Variants in EYS observed in about 807,000 individuals in gnomAD.
The protein encoded by EYS is EGF-like photoreceptor maintenance factor.
EYS carries 250 observed loss-of-function variants against 282.1 expected under a neutral mutation model. That is an observed-to-expected ratio of 0.89 (90% CI 0.80 to 0.98). The LOEUF (loss-of-function observed/expected upper bound fraction) is 0.98. Among genes scored for constraint, EYS ranks in the 50% least tolerant of loss-of-function variants. The pLI is 0.00. For synonymous variants in EYS, 1,355 were observed against 1,282.9 expected, an observed-to-expected ratio of 1.06 and a Z score of -1.20; for missense variants, 4,016 against 3,709.0, an observed-to-expected ratio of 1.08 and a Z score of -2.15.
At chr6:64,933,330 AAC>A (rs1768791371) in intron 15 of EYS, among the ~76,000 whole-genome samples, 1 of 152,186 alleles carries the variant, frequency 6.6e-6, no homozygotes, top group Non-Finnish European at 1.5e-5. Context: ...AAAGGATAGG[AAC>A]AGATACTTCT....
intron 33 of EYS, among the ~76,000 whole-genome samples, chr6:64,052,962 C>T (rs1251797301): frequency 2.0e-5 from 3 of 152,000 alleles, no homozygotes; most frequent in Non-Finnish European, 4.4e-5. Flanking sequence ...TTCACAGCAG[C>T]GTGAGAACAG....
At chr6:65,184,969 G>T (rs544846199) in intron 12 of EYS, among the ~76,000 whole-genome samples, 9 of 150,522 alleles carry the variant, frequency 6.0e-5, no homozygotes, top group Non-Finnish European at 1.3e-4. Context: ...AAAATATTTT[G>T]TTCTAGTATG....
chr6:65,401,155 C>A (rs1275701817), intron 7 of EYS, among the ~76,000 whole-genome samples: 1 of 151,874 alleles, frequency 6.6e-6, no homozygotes, highest in African/African-American at 2.4e-5. Flanking sequence ...GTTAGTAACA[C>A]ACAGATAAAT....
In EYS at chr6:65,465,092, C is replaced by T. The variant is rs533460454; in HGVS notation, c.862+25502G>A. Among the ~76,000 whole-genome samples the T allele has an allele frequency of 1.1e-3, 171 of 152,094 alleles. 1 individual carries two copies. Among genetic ancestry groups the T allele is most frequent in the African/African-American group, 3.5e-3 (146 of 41,496 alleles). ...TAGTCTACTGCGTTAATAAGAAAAACCTTTTGCCATATTCAAGAACATACA... is the reference window on the plus strand; with the variant it reads ...TAGTCTACTGCGTTAATAAGAAAAATCTTTTGCCATATTCAAGAACATACA... On this transcript the variant is annotated intron_variant, in intron 5 of 42. Coordinates refer to ENST00000503581, the MANE Select transcript of EYS (RefSeq NM_001142800.2).
intron 36 of EYS, among the ~76,000 whole-genome samples, chr6:63,828,529 G>A (rs1421803149): frequency 6.6e-6 from 1 of 152,084 alleles, no homozygotes; most frequent in Non-Finnish European, 1.5e-5. Context: ...AACCTGAAGA[G>A]AACAATAACA....
At chr6:64,380,112 A>AT (rs1772694917) in intron 29 of EYS, among the ~76,000 whole-genome samples, 1 of 80,814 alleles carries the variant, frequency 1.2e-5, no homozygotes, top group Non-Finnish European at 2.9e-5. Context: ...TTGCAACTTC[A>AT]ATTTTTTTTT....
At chr6:65,456,985 G>T (rs1268361090) in intron 5 of EYS, among the ~76,000 whole-genome samples, 2 of 150,192 alleles carry the variant, frequency 1.3e-5, no homozygotes, top group African/African-American at 4.8e-5. Context: ...ATGAGGGTCA[G>T]TATAGAACTT....
chr6:65,680,963 C>T (rs1016818199), intron 1 of EYS, among the ~76,000 whole-genome samples: 7 of 151,822 alleles, frequency 4.6e-5, no homozygotes, highest in Non-Finnish European at 8.8e-5. Flanking sequence ...TCCCACTGGC[C>T]ACCGGTGATC....
At chr6:64,433,057 C>A (rs1233529721) in intron 28 of EYS, among the ~76,000 whole-genome samples, 1 of 152,004 alleles carries the variant, frequency 6.6e-6, no homozygotes, top group African/African-American at 2.4e-5. Context: ...CCATCCTGCT[C>A]TGCAGAACAG....
intron 12 of EYS, among the ~76,000 whole-genome samples, chr6:65,191,220 G>T (rs1027238046): frequency 1.3e-5 from 2 of 151,750 alleles, no homozygotes; most frequent in Non-Finnish European, 2.9e-5. Context: ...CTCTGAATTA[G>T]AATGATTATG....
chr6:64,803,114 A>AGAG (rs1179288903), intron 22 of EYS, among the ~76,000 whole-genome samples: 2 of 152,130 alleles, frequency 1.3e-5, no homozygotes, highest in South Asian at 2.1e-4. Context: ...AGAAGCTTGG[A>AGAG]GAGGAGCTTC....
At chr6:63,969,429 A>G (rs374231563) in intron 35 of EYS, among the ~76,000 whole-genome samples, 23 of 152,340 alleles carry the variant, frequency 1.5e-4, no homozygotes, top group African/African-American at 5.5e-4. Flanking sequence ...TCCACTGTCT[A>G]AATTCTAAGC....
chr6:65,444,033 A>C (rs1287441621), intron 5 of EYS, among the ~76,000 whole-genome samples: 1 of 151,850 alleles, frequency 6.6e-6, no homozygotes, highest in African/African-American at 2.4e-5. Context: ...CAATGGTTAA[A>C]AGTAAGGTCC....
At chr6:64,043,719 A>G (rs1305509901) in intron 33 of EYS, among the ~76,000 whole-genome samples, 1 of 152,100 alleles carries the variant, frequency 6.6e-6, no homozygotes, top group Non-Finnish European at 1.5e-5. Flanking sequence ...TCCTTATAAT[A>G]CTCTCTAACA....
chr6:64,484,282 T>C (rs970402959), intron 26 of EYS, among the ~76,000 whole-genome samples: 2 of 151,580 alleles, frequency 1.3e-5, no homozygotes, highest in African/African-American at 4.8e-5. Context: ...ACAAGCCTAC[T>C]AAACAAAGTC....
chr6:63,732,023 C>T (rs1457108840), intron 41 of EYS, among the ~76,000 whole-genome samples: 1 of 151,858 alleles, frequency 6.6e-6, no homozygotes, highest in African/African-American at 2.4e-5. Context: ...TGAGAGGGTT[C>T]CCTGTTACCC....
intron 30 of EYS, among the ~76,000 whole-genome samples, chr6:64,297,472 T>C (rs759771617): frequency 5.9e-5 from 9 of 152,174 alleles, no homozygotes; most frequent in Non-Finnish European, 1.2e-4. Context: ...TGGATACATA[T>C]TAAAACCAGA....
chr6:65,616,567 C>A (rs1180152651), intron 2 of EYS, among the ~76,000 whole-genome samples: 2 of 152,070 alleles, frequency 1.3e-5, no homozygotes, highest in African/African-American at 4.8e-5. Context: ...GTGGGTGGAT[C>A]ACGAGGTCAA....
chr6:65,230,560 T>C (rs779460939), intron 12 of EYS, among the ~76,000 whole-genome samples: 1 of 151,902 alleles, frequency 6.6e-6, no homozygotes, highest in Non-Finnish European at 1.5e-5. Context: ...ATTTACTGTC[T>C]TGGTTAAATG....
Sources: allele counts gnomAD v4.1 joint callset (sites outside exome capture counted in the v4.1 genomes callset), GRCh38; gene constraint gnomAD v4.1.1; transcripts MANE v1.5; gene names NCBI Gene and HGNC (gene_info 2026-07-23, HGNC 2026-07-21).